CUL1: variants seen among roughly 807,000 people sequenced by gnomAD.
CUL1 encodes cullin-1.
CUL1 carries 24 observed loss-of-function variants against 118.0 expected under a neutral mutation model. That is an observed-to-expected ratio of 0.20 (90% CI 0.15 to 0.29). The LOEUF (loss-of-function observed/expected upper bound fraction) is 0.29. Among genes scored for constraint, CUL1 ranks in the 10% least tolerant of loss-of-function variants. The pLI, the probability that CUL1 is intolerant of heterozygous loss-of-function variation, is 1.00. For synonymous variants in CUL1, 332 were observed against 340.4 expected (o/e 0.98, Z 0.27); for missense variants, 361 against 933.8 (o/e 0.39, Z 7.99).
At chr7:148,709,124 T>G (rs1030325746) in intron 1 of CUL1, among the ~76,000 whole-genome samples, 2 of 152,246 alleles carry the variant, frequency 1.3e-5, no homozygotes, top group African/African-American at 2.4e-5. Context: ...AAAAGCATTC[T>G]GACGCCTCTC....
intron 5 of CUL1, 68 bp downstream of exon 5, chr7:148,759,422 T>G (rs1799768210): frequency 6.5e-7 from 1 of 1,545,944 alleles, no homozygotes; most frequent in African/African-American, 1.4e-5. Context: ...GCTTAGCTTT[T>G]GTCTCGTCAC....
chr7:148,766,673 A>G lies in CUL1; in HGVS notation c.902A>G (p.Glu301Gly). Residue 301 changes from glutamate to glycine, a missense_variant, in exon 8 of 22, where the codon GAA (glutamate) becomes GGA (glycine). Glu to Gly is a moderately conservative substitution (Grantham distance 98). This residue lies in a region of CUL1 where 169 missense variants were observed against 429.7 expected (regional missense o/e 0.39). Coordinates refer to ENST00000325222, the MANE Select transcript of CUL1 (RefSeq NM_003592.3). ...CEQVLIEKHL[E>G]IFHTEFQNLL... ...CAAGTCCTCATTGAAAAACACTTGG[A>G]AATTTTCCACACAGAATTTCAGAAT... The G allele has an allele frequency of 6.2e-7, 1 of 1,613,672 alleles. No homozygotes were observed. The highest frequency in any genetic ancestry group is 8.5e-7 in the Non-Finnish European group (1 of 1,179,886).
chr7:148,748,371 C>G (rs1799368852), intron 2 of CUL1, among the ~76,000 whole-genome samples: 1 of 151,894 alleles, frequency 6.6e-6, no homozygotes, highest in South Asian at 2.1e-4. Context: ...AAGGAAAATT[C>G]CAACCGAAAG....
chr7:148,789,306 A>G (rs1800930298), intron 14 of CUL1, among the ~76,000 whole-genome samples: 1 of 152,238 alleles, frequency 6.6e-6, no homozygotes, highest in Non-Finnish European at 1.5e-5. Context: ...TTTATAGACC[A>G]TGTGTGGCGT....
chr7:148,742,353 G>A (rs1162666375), intron 2 of CUL1, among the ~76,000 whole-genome samples: 1 of 152,152 alleles, frequency 6.6e-6, no homozygotes, highest in Non-Finnish European at 1.5e-5. Flanking sequence ...ATGGCAGTAG[G>A]CAAGAGAGCT....
At chr7:148,798,497 T>C (rs1801281876) in intron 19 of CUL1, 75 bp from the exon 20 acceptor site, 3 of 1,096,418 alleles carry the variant, frequency 2.7e-6, no homozygotes, top group African/African-American at 3.1e-5. Flanking sequence ...TTCTTAAAGG[T>C]TGAAAAATAG....
intron 9 of CUL1, among the ~76,000 whole-genome samples, chr7:148,781,104 CAG>C (rs1328546442): frequency 1.1e-4 from 1 of 9,482 alleles, no homozygotes; most frequent in Non-Finnish European, 1.9e-4. Context: ...TTTTTTTTGA[CAG>C]AGTCTCGCAC....
chr7:148,799,160 G>A, intron 20 of CUL1, 115 bp from the exon 21 acceptor site: 1 of 670,550 alleles, frequency 1.5e-6, no homozygotes, highest in Non-Finnish European at 2.6e-6. Flanking sequence ...TGCCTGTTAG[G>A]AAATTGTGAT....
chr7:148,798,758 CG>C, intron 20 of CUL1, 81 bp downstream of exon 20: 3 of 1,153,024 alleles, frequency 2.6e-6, no homozygotes, highest in Non-Finnish European at 3.9e-6. Flanking sequence ...GGGGGGTAGG[CG>C]GGGGTGACAA....
intron 9 of CUL1, among the ~76,000 whole-genome samples, chr7:148,772,071 A>G (rs1800230764): frequency 6.6e-6 from 1 of 152,186 alleles, no homozygotes. Context: ...CATGAAAACA[A>G]TAGGCATTTA....
At chr7:148,729,379 T>G (rs959743577) in intron 1 of CUL1, among the ~76,000 whole-genome samples, 1 of 152,204 alleles carries the variant, frequency 6.6e-6, no homozygotes, top group Non-Finnish European at 1.5e-5. Context: ...CTAGTAGATG[T>G]GGCACTGAGC....
At chr7:148,704,999 T>C (rs1206937720) in intron 1 of CUL1, among the ~76,000 whole-genome samples, 1 of 152,226 alleles carries the variant, frequency 6.6e-6, no homozygotes, top group Non-Finnish European at 1.5e-5. Flanking sequence ...TTTCCAGGTG[T>C]GTTGATGCAC....
At chr7:148,717,747 C>T (rs572038677) in intron 1 of CUL1, among the ~76,000 whole-genome samples, 1 of 152,278 alleles carries the variant, frequency 6.6e-6, no homozygotes, top group South Asian at 2.1e-4. Context: ...ATCAGCCTCC[C>T]TGTACCTCTA....
chr7:148,715,849 C>G (rs1798197861), intron 1 of CUL1, among the ~76,000 whole-genome samples: 1 of 152,140 alleles, frequency 6.6e-6, no homozygotes, highest in African/African-American at 2.4e-5. Flanking sequence ...TTATCTATTT[C>G]TGTTAATCCT....
chr7:148,799,832 G>A (rs1326117088), intron 21 of CUL1, among the ~76,000 whole-genome samples: 1 of 152,252 alleles, frequency 6.6e-6, no homozygotes, highest in Non-Finnish European at 1.5e-5. Flanking sequence ...TCGTCGCATT[G>A]CGGTATCGAG....
chr7:148,735,445 G>T (rs73745350), intron 2 of CUL1, among the ~76,000 whole-genome samples: 6,913 of 152,300 alleles, frequency 0.045, 559 homozygotes, highest in African/African-American at 0.16. Context: ...GCAGGGGAGT[G>T]CTCAGGTGGC....
At chr7:148,739,038 G>A (rs541358924) in intron 2 of CUL1, among the ~76,000 whole-genome samples, 97 of 152,348 alleles carry the variant, frequency 6.4e-4, no homozygotes, top group African/African-American at 2.3e-3. Context: ...CTTTCACACA[G>A]GCGCCCTTCA....
intron 1 of CUL1, among the ~76,000 whole-genome samples, chr7:148,723,628 C>T (rs1461114214): frequency 2.7e-5 from 4 of 149,906 alleles, no homozygotes; most frequent in Middle Eastern, 3.5e-3. Context: ...TTGTTAGGTA[C>T]TGTTATTGAT....
chr7:148,733,118 C>T lies in CUL1; in HGVS notation c.140+2856C>T, dbSNP rs143420948. 4.9e-3 allele frequency among the ~76,000 whole-genome samples: 740 copies of T among 152,218 alleles called. 6 individuals are homozygous for T. Among genetic ancestry groups the T allele is most frequent in the African/African-American group, 0.017 (709 of 41,524 alleles). On this transcript the variant is annotated intron_variant, in intron 2 of 21. Transcript: ENST00000325222. ...GTGGTGAGGCGGGTCTTAAGGTTCT[C>T]AGCAGTCTGACTCTAGAATTGCCTT...
Sources: allele counts gnomAD v4.1 joint callset (sites outside exome capture counted in the v4.1 genomes callset), GRCh38; gene constraint gnomAD v4.1.1; regional missense constraint gnomAD v4.1.1; transcripts MANE v1.5; gene names NCBI Gene and HGNC (gene_info 2026-07-23, HGNC 2026-07-21).